RBFOX1: variants seen among roughly 807,000 people sequenced by gnomAD.
RBFOX1 encodes the protein RNA binding fox-1 homolog 1, also known as RNA binding protein fox-1 homolog 1.
RBFOX1 carries 8 observed loss-of-function variants against 57.7 expected under a neutral mutation model. The ratio of observed to expected loss-of-function variants is 0.14; its 90% CI spans 0.08 to 0.25. The LOEUF (loss-of-function observed/expected upper bound fraction) is 0.25. Among genes scored for constraint, RBFOX1 ranks in the 10% least tolerant of loss-of-function variants. The pLI is 1.00. For synonymous variants in RBFOX1, 326 were observed against 222.4 expected, an observed-to-expected ratio of 1.47 and a Z score of -4.15; for missense variants, 611 against 548.5, an observed-to-expected ratio of 1.11 and a Z score of -1.14.
intron 3 of RBFOX1, among the ~76,000 whole-genome samples, chr16:5,725,977 C>G (rs73522280): frequency 0.02 from 3,029 of 152,146 alleles, 100 homozygotes; most frequent in African/African-American, 0.066. Flanking sequence ...AGGTTGGTCA[C>G]CAAAGAGTCT....
chr16:7,408,989 C>T (rs1052584799), intron 4 of RBFOX1, among the ~76,000 whole-genome samples: 1 of 152,152 alleles, frequency 6.6e-6, no homozygotes, highest in Non-Finnish European at 1.5e-5. Flanking sequence ...TGCATCCCCG[C>T]CCGTCAATTC....
At chr16:6,981,841 A>G (rs923807692) in intron 3 of RBFOX1, among the ~76,000 whole-genome samples, 2 of 152,162 alleles carry the variant, frequency 1.3e-5, no homozygotes, top group Non-Finnish European at 2.9e-5. Flanking sequence ...CAGCCAAGCC[A>G]TATCATCCAG....
At chr16:5,305,619 C>G (rs563376794) in intron 1 of RBFOX1, among the ~76,000 whole-genome samples, 1 of 152,090 alleles carries the variant, frequency 6.6e-6, no homozygotes, top group Non-Finnish European at 1.5e-5. Context: ...TTGTGAAATT[C>G]TTTTCTTGTG....
chr16:7,053,209 T>C (rs1459405187), intron 4 of RBFOX1, among the ~76,000 whole-genome samples: 1 of 152,186 alleles, frequency 6.6e-6, no homozygotes, highest in Non-Finnish European at 1.5e-5. Context: ...AGAATCCAGG[T>C]GCATGAAACC....
At chr16:6,281,330 A>G (rs921376695) in intron 1 of RBFOX1, among the ~76,000 whole-genome samples, 5 of 152,170 alleles carry the variant, frequency 3.3e-5, no homozygotes, top group Non-Finnish European at 5.9e-5. Context: ...GATGCATCTC[A>G]GAGAGATTAT....
intron 4 of RBFOX1, among the ~76,000 whole-genome samples, chr16:7,379,376 C>G (rs986025957): frequency 1.3e-5 from 2 of 152,038 alleles, no homozygotes; most frequent in African/African-American, 2.4e-5. Context: ...CAGTAATAGC[C>G]TAATTGGAGC....
At chr16:7,395,584 A>G (rs1597368801) in intron 4 of RBFOX1, among the ~76,000 whole-genome samples, 1 of 152,332 alleles carries the variant, frequency 6.6e-6, no homozygotes, top group Middle Eastern at 3.4e-3. Context: ...ACAAGGCGAG[A>G]CAAAAGCTTA....
At chr16:7,114,931 T>A (rs2065564968) in intron 4 of RBFOX1, among the ~76,000 whole-genome samples, 1 of 152,184 alleles carries the variant, frequency 6.6e-6, no homozygotes, top group Admixed American at 6.5e-5. Flanking sequence ...AAGGGTAAGA[T>A]CACTTAGCTG....
chr16:6,177,983 G>C lies in RBFOX1; in HGVS notation c.-126-139012G>C, dbSNP rs529149604. On this transcript the variant is annotated intron_variant, in intron 1 of 15. Coordinates refer to ENST00000550418, the MANE Select transcript of RBFOX1 (RefSeq NM_018723.4). Reference sequence around the variant, plus strand: ...TGAAGATGGAGCCATTTAACATTTTGGATACTTTCTGATTTTTAAATTTAT... The same window carrying C: ...TGAAGATGGAGCCATTTAACATTTTCGATACTTTCTGATTTTTAAATTTAT... Among the ~76,000 whole-genome samples, 8 of 149,536 alleles carry C rather than the reference G, an allele frequency of 5.3e-5. No homozygotes were observed. The East Asian group carries it at 1.6e-3, about 29-fold the overall frequency.
intron 3 of RBFOX1, among the ~76,000 whole-genome samples, chr16:5,669,481 A>C (rs997987636): frequency 7.4e-6 from 1 of 134,336 alleles, no homozygotes; most frequent in Non-Finnish European, 1.5e-5. Flanking sequence ...GTGCAGTGGC[A>C]CTATCTTGGC....
At chr16:7,514,621 C>G (rs553488067) in intron 4 of RBFOX1, among the ~76,000 whole-genome samples, 1 of 152,008 alleles carries the variant, frequency 6.6e-6, no homozygotes, top group Admixed American at 6.6e-5. Flanking sequence ...ACTCTTGATG[C>G]GGACTGAAGG....
intron 3 of RBFOX1, among the ~76,000 whole-genome samples, chr16:7,020,317 C>G (rs970062280): frequency 6.6e-6 from 1 of 152,104 alleles, no homozygotes; most frequent in African/African-American, 2.4e-5. Context: ...CCTCTGTCCG[C>G]CAGGTTCAAG....
intron 1 of RBFOX1, among the ~76,000 whole-genome samples, chr16:6,132,192 A>G (rs1268424810): frequency 6.6e-6 from 1 of 152,312 alleles, no homozygotes; most frequent in Non-Finnish European, 1.5e-5. Context: ...TTAAGATTTC[A>G]CGATCATGGG....
chr16:5,648,775 C>G lies in RBFOX1; in HGVS notation c.318+49814C>G, dbSNP rs557566612. On this transcript the variant is annotated intron_variant, in intron 3 of 19. Coordinates refer to the RBFOX1 transcript ENST00000641259. ...TTTTATTTGCATATTTTAAAAATCA[C>G]ATTTTAGGCCAGGCACACTGGCTCA... is the stretch of plus-strand genomic sequence containing the variant. 2.0e-5 allele frequency among the ~76,000 whole-genome samples: 3 copies of G among 152,254 alleles called. No individual in the cohort carries two copies. In the South Asian group the frequency reaches 6.2e-4, roughly 32 times the overall value.
intron 4 of RBFOX1, among the ~76,000 whole-genome samples, chr16:7,054,245 T>C (rs2051229666): frequency 9.6e-6 from 1 of 103,780 alleles, no homozygotes; most frequent in Non-Finnish European, 2.1e-5. Context: ...TTTTTTTTTT[T>C]TTTTTTTTTT....
intron 3 of RBFOX1, among the ~76,000 whole-genome samples, chr16:5,854,569 C>G (rs76410348): frequency 7.4e-6 from 1 of 135,260 alleles, no homozygotes; most frequent in African/African-American, 3.1e-5. Flanking sequence ...CCCCCCCACA[C>G]ACAAGCACAC....
At chr16:6,621,164 A>T (rs1733458469) in intron 2 of RBFOX1, among the ~76,000 whole-genome samples, 2 of 152,158 alleles carry the variant, frequency 1.3e-5, no homozygotes, top group African/African-American at 4.8e-5. Flanking sequence ...CCTTTCTCTT[A>T]TAAAAACACT....
chr16:5,886,102 G>T (rs2057892773), intron 4 of RBFOX1, among the ~76,000 whole-genome samples: 1 of 152,148 alleles, frequency 6.6e-6, no homozygotes, highest in African/African-American at 2.4e-5. Flanking sequence ...CTTCTGCCAT[G>T]GTCATAAGCT....
chr16:6,782,755 C>T (rs923436508), intron 3 of RBFOX1, among the ~76,000 whole-genome samples: 13 of 152,116 alleles, frequency 8.5e-5, no homozygotes, highest in Admixed American at 2.6e-4. Flanking sequence ...TGTTCTGTAG[C>T]GCACATTAAG....
Sources: gnomAD v4.1 joint callset for allele counts (sites outside exome capture counted in the v4.1 genomes callset) on GRCh38, gnomAD v4.1.1 for gene constraint, MANE v1.5 for transcripts, NCBI Gene and HGNC (gene_info 2026-07-23, HGNC 2026-07-21) for gene names.